The following SAA2 variants were observed in gnomAD, a reference collection of about 807,000 sequenced individuals.
The protein encoded by SAA2 is serum amyloid A2, also known as serum amyloid A-2 protein.
A neutral mutation model predicts 9.1 loss-of-function variants in SAA2; 5 were observed. That is an observed-to-expected ratio of 0.55 (90% CI 0.29 to 1.16). The LOEUF (loss-of-function observed/expected upper bound fraction) is 1.16, where lower values mean the gene tolerates loss of function less well. Ranked by LOEUF, SAA2 falls within the 50% of genes most tolerant of loss-of-function variation. The pLI, the probability that SAA2 is intolerant of heterozygous loss-of-function variation, is 0.09. For synonymous variants in SAA2, 49 were observed against 59.8 expected (o/e 0.82, Z 0.83); for missense variants, 94 against 153.8 (o/e 0.61, Z 2.06).
chr11:18,247,075 C>T (rs1857580465), intron 2 of SAA2, among the ~76,000 whole-genome samples: 1 of 152,292 alleles, frequency 6.6e-6, no homozygotes, highest in African/African-American at 2.4e-5. Context: ...CAGTAAGTCC[C>T]TGGGCATTGG....
At chr11:18,246,097 T>G (rs1857523411) in intron 2 of SAA2, 49 bp from the exon 3 acceptor site, 1 of 1,580,996 alleles carries the variant, frequency 6.3e-7, no homozygotes, top group South Asian at 1.1e-5. Context: ...ACATAAAGAC[T>G]CCAACAACAC....
downstream of SAA2, among the ~76,000 whole-genome samples, chr11:18,241,073 A>G (rs936265406): frequency 2.6e-5 from 4 of 152,228 alleles, no homozygotes; most frequent in Non-Finnish European, 5.9e-5. Context: ...GGTATTTTTC[A>G]AAAGAAAACA....
chr11:18,246,204 T>C (rs1348625704), intron 2 of SAA2, among the ~76,000 whole-genome samples, 156 bp from the exon 3 acceptor site: 1 of 151,942 alleles, frequency 6.6e-6, no homozygotes, highest in African/African-American at 2.4e-5. Flanking sequence ...GAGAAGCACA[T>C]TCCTTTATCC....
chr11:18,240,035 T>C, intron 3 of SAA2: 1 of 1,540,746 alleles, frequency 6.5e-7, no homozygotes, highest in Admixed American at 2.0e-5. Flanking sequence ...AGGGGGAAAA[T>C]CACAGGAGGG....
downstream of SAA2, among the ~76,000 whole-genome samples, chr11:18,244,493 T>A (rs1473522659): frequency 2.0e-5 from 3 of 152,204 alleles, no homozygotes; most frequent in Non-Finnish European, 4.4e-5. Flanking sequence ...AGGGGCCCAA[T>A]CTCAAATTTA....
chr11:18,240,047 G>A (rs1857298769), intron 3 of SAA2: 18 of 1,523,234 alleles, frequency 1.2e-5, no homozygotes, highest in Non-Finnish European at 1.6e-5. Context: ...ACAGGAGGGT[G>A]ATTTCCCAAT....
chr11:18,246,522 T>C (rs1048481662), intron 2 of SAA2, among the ~76,000 whole-genome samples: 6 of 152,270 alleles, frequency 3.9e-5, no homozygotes, highest in Non-Finnish European at 7.4e-5. Flanking sequence ...TCCGCCGTGG[T>C]TGCACTTTCT....
At chr11:18,242,854 G>A (rs185270704), downstream of SAA2, 1,474 of 700,112 alleles carry the variant, frequency 2.1e-3, 3 homozygotes, top group Non-Finnish European at 2.8e-3. Flanking sequence ...CTCAAATAAC[G>A]AAACAAAACA....
downstream of SAA2, chr11:18,242,713 G>A (rs1857383955): frequency 1.4e-6 from 1 of 690,734 alleles, no homozygotes; most frequent in African/African-American, 1.8e-5. Flanking sequence ...AAGTGTCATG[G>A]CGCACATCTG....
At chr11:18,241,022 A>T (rs976349363), downstream of SAA2, among the ~76,000 whole-genome samples, 26 of 152,332 alleles carry the variant, frequency 1.7e-4, no homozygotes, top group African/African-American at 4.8e-4. Flanking sequence ...ACAAGAAAAA[A>T]GGAAATAACC....
chr11:18,239,856 G>T, exon 4 of SAA2: 1 of 1,487,576 alleles, frequency 6.7e-7, no homozygotes, highest in Admixed American at 2.3e-5. Flanking sequence ...CCATGGTCTT[G>T]TTAGTGGTGG....
chr11:18,240,412 G>C, downstream of SAA2: 1 of 654,088 alleles, frequency 1.5e-6, no homozygotes, highest in Non-Finnish European at 2.7e-6. Context: ...GCCTTTCAAA[G>C]GCCTTTAAAA....
At position 18,247,913 on chromosome 11, in the gene SAA2, A is replaced by C; in HGVS notation, c.91+8T>G. 1 of 1,613,918 alleles carries C rather than the reference A, an allele frequency of 6.2e-7. No individual in the cohort carries two copies. Among genetic ancestry groups the C allele is most frequent in the Non-Finnish European group, 8.5e-7 (1 of 1,179,852 alleles). On this transcript the variant is annotated splice_region_variant and intron_variant, in intron 2 of 3. Coordinates refer to ENST00000256733, the MANE Select transcript of SAA2 (RefSeq NM_030754.5). Reference sequence around the variant, plus strand: ...TTCAGAAATCCTGCAAACCTTCTGAAGCCTTACCATCAAAAGCCTCGCCAA... The same window carrying C: ...TTCAGAAATCCTGCAAACCTTCTGACGCCTTACCATCAAAAGCCTCGCCAA...
chr11:18,239,936 T>G (rs1857293533), exon 4 of SAA2: 13 of 1,550,090 alleles, frequency 8.4e-6, no homozygotes, highest in Non-Finnish European at 1.1e-5. Flanking sequence ...AAAAGGCTTC[T>G]TCCTTCACTC....
chr11:18,242,840 C>A (rs1490551851), downstream of SAA2: 1 of 701,446 alleles, frequency 1.4e-6, no homozygotes, highest in Non-Finnish European at 2.6e-6. Flanking sequence ...GAGGGAGATG[C>A]TGTCTCAAAT....
chr11:18,240,394 C>A, downstream of SAA2: 1 of 672,158 alleles, frequency 1.5e-6, no homozygotes, highest in African/African-American at 1.8e-5. Flanking sequence ...CCTCTTCCAG[C>A]ATCTGCTGCC....
chr11:18,247,257 AC>A (rs1857591050), intron 2 of SAA2, among the ~76,000 whole-genome samples: 1 of 151,774 alleles, frequency 6.6e-6, no homozygotes, highest in Non-Finnish European at 1.5e-5. Flanking sequence ...AACAGAACAA[AC>A]CAGGAAGGGA....
rs779125692 is a variant in SAA2, at chr11:18,245,327, C to T, written c.*50G>A. 1.9e-6 allele frequency: 3 copies of T among 1,609,942 alleles called. No homozygotes were observed. The Admixed American group carries it at 5.0e-5, about 27-fold the overall frequency. ...AGACCTCACTAACTTTGTATCCCTG[C>T]CCCGAGGGCCTCATAGCCAGGTCTC... On this transcript the variant is annotated 3_prime_UTR_variant, in exon 4 of 4. Transcript: ENST00000256733.
At chr11:18,239,348 T>C (rs543743751) in exon 4 of SAA2, 1 of 189,748 alleles carries the variant, frequency 5.3e-6, no homozygotes, top group Admixed American at 6.1e-5. Context: ...TTCAATGTAT[T>C]AATTGCCCTC....
Sources: gnomAD v4.1 joint callset for allele counts (sites outside exome capture counted in the v4.1 genomes callset) on GRCh38, gnomAD v4.1.1 for gene constraint, MANE v1.5 for transcripts, NCBI Gene and HGNC (gene_info 2026-07-23, HGNC 2026-07-21) for gene names.